Variants in TSPAN7 observed in about 807,000 individuals in gnomAD.
The protein encoded by TSPAN7 is tetraspanin-7.
Under a neutral mutation model 17.6 loss-of-function variants are expected in TSPAN7, and 1 was observed. That is an observed-to-expected ratio of 0.06 (90% CI 0.02 to 0.27). The LOEUF (loss-of-function observed/expected upper bound fraction) is 0.27. TSPAN7 is among the 10% of genes least tolerant of loss of function. The pLI is 1.00. For missense variants in TSPAN7, 112 were observed against 201.7 expected (o/e 0.56, Z 2.69); for synonymous variants, 78 against 79.0 (o/e 0.99, Z 0.07).
chrX:38,592,412 G>A (rs2069297241), intron 1 of TSPAN7, among the ~76,000 whole-genome samples: 1 of 111,331 alleles, frequency 9.0e-6, no homozygotes, highest in African/African-American at 3.3e-5. Context: ...ATATTTTTAG[G>A]TTCAGATCTA....
In TSPAN7 at chrX:38,642,806, C is replaced by T. The variant is rs1042096729; in HGVS notation, c.82-23315C>T. On this transcript the variant is annotated intron_variant, in intron 1 of 7. Coordinates refer to ENST00000378482, the MANE Select transcript of TSPAN7 (RefSeq NM_004615.4). ...GGGCAGTTTATTTAACCACTCCTTA[C>T]CTCCATTTCCTCATCTGTAAAATGG... Among the ~76,000 whole-genome samples the T allele has an allele frequency of 1.9e-4, 21 of 111,495 alleles. 1 individual carries two copies. The highest frequency in any genetic ancestry group is 6.9e-4 in the African/African-American group (21 of 30,611).
chrX:38,632,241 TA>T (rs778800076), intron 1 of TSPAN7, among the ~76,000 whole-genome samples: 1 of 112,136 alleles, frequency 8.9e-6, no homozygotes, highest in Non-Finnish European at 1.9e-5. Flanking sequence ...CGCTAATTGG[TA>T]AAATTCTCCT....
chrX:38,618,480 A>T (rs755876984), intron 1 of TSPAN7, among the ~76,000 whole-genome samples: 10 of 111,801 alleles, frequency 8.9e-5, no homozygotes, highest in Non-Finnish European at 1.7e-4. Context: ...GTTACTGTCA[A>T]GTCAGGGTGC....
At chrX:38,577,646 C>CCCCGGA (rs1271239699) in intron 1 of TSPAN7, among the ~76,000 whole-genome samples, 2 of 80,209 alleles carry the variant, frequency 2.5e-5, no homozygotes, top group Non-Finnish European at 4.6e-5. Context: ...GGGAACATCA[C>CCCCGGA]ACACCGGGGC....
chrX:38,664,646 C>T (rs1048859222), intron 1 of TSPAN7, among the ~76,000 whole-genome samples: 1 of 112,415 alleles, frequency 8.9e-6, no homozygotes, highest in African/African-American at 3.2e-5. Flanking sequence ...TTCACCGCAA[C>T]ACTGCATCAC....
intron 1 of TSPAN7, among the ~76,000 whole-genome samples, chrX:38,606,129 A>T (rs1411947431): frequency 2.8e-5 from 3 of 108,495 alleles, no homozygotes; most frequent in African/African-American, 1.0e-4. Context: ...CAGGCAACCT[A>T]CAAAATGGGA....
intron 1 of TSPAN7, among the ~76,000 whole-genome samples, chrX:38,640,900 T>C (rs2069608060): frequency 8.9e-6 from 1 of 112,079 alleles, no homozygotes; most frequent in Non-Finnish European, 1.9e-5. Flanking sequence ...TCTTAAGCAC[T>C]TGTATGTTTC....
At chrX:38,605,647 C>T (rs1414939028) in intron 1 of TSPAN7, among the ~76,000 whole-genome samples, 5 of 108,418 alleles carry the variant, frequency 4.6e-5, no homozygotes, top group Non-Finnish European at 9.6e-5. Context: ...ATCACACTAC[C>T]TGACTTCAAA....
Position 38,561,561 on chromosome X carries a change from A to C in TSPAN7, c.15A>C (p.Arg5Ser), listed in dbSNP as rs1388651814. The C allele has an allele frequency of 8.3e-7, 1 of 1,199,003 alleles. No individual in the cohort carries two copies. Among genetic ancestry groups the C allele is most frequent in the Non-Finnish European group, 1.1e-6 (1 of 888,767 alleles). MASR[R>S]METKPVITCL... is the part of the protein sequence containing the mutation. The stretch of plus-strand genomic sequence containing the variant: ...AGCTCTGTAGTATGGCATCGAGGAG[A>C]ATGGAGACCAAACCTGTGATAACCT... The change falls in exon 1 of 8, where the codon AGA (arginine) becomes AGC (serine). Residue 5 changes from arginine (R) to serine (S), a missense_variant. By Grantham distance (110) the Arg-to-Ser change is moderately radical. Transcript: ENST00000378482.
intron 1 of TSPAN7, among the ~76,000 whole-genome samples, chrX:38,636,017 C>T (rs758979118): frequency 9.0e-6 from 1 of 111,369 alleles, no homozygotes; most frequent in Non-Finnish European, 1.9e-5. Context: ...TTTTAAAAGT[C>T]CTTCTTTGTA....
intron 1 of TSPAN7, among the ~76,000 whole-genome samples, chrX:38,561,861 G>T (rs1338984686): frequency 9.0e-6 from 1 of 111,093 alleles, no homozygotes; most frequent in Non-Finnish European, 1.9e-5. Context: ...CGGAGTGTCG[G>T]TGACTGCAGG....
At chrX:38,635,474 C>G (rs1022099022) in intron 1 of TSPAN7, among the ~76,000 whole-genome samples, 1 of 111,343 alleles carries the variant, frequency 9.0e-6, no homozygotes, top group African/African-American at 3.3e-5. Context: ...ATTTCCATTT[C>G]CTGAGGAAGA....
intron 1 of TSPAN7, among the ~76,000 whole-genome samples, chrX:38,604,243 G>C (rs1602095576): frequency 2.9e-5 from 3 of 103,197 alleles, no homozygotes; most frequent in Admixed American, 2.1e-4. Flanking sequence ...TGGTGTATAT[G>C]TGCCACATTT....
At chrX:38,635,016 G>A (rs1331940674) in intron 1 of TSPAN7, among the ~76,000 whole-genome samples, 1 of 110,982 alleles carries the variant, frequency 9.0e-6, no homozygotes, top group Admixed American at 9.6e-5. Flanking sequence ...CTGGGTCGGG[G>A]TGGGAGAACA....
At chrX:38,603,394 T>C (rs907914903) in intron 1 of TSPAN7, among the ~76,000 whole-genome samples, 3 of 112,030 alleles carry the variant, frequency 2.7e-5, no homozygotes, top group African/African-American at 9.7e-5. Context: ...GATCCAGTAA[T>C]TTCACTCCTA....
At chrX:38,581,751 G>A (rs1033683304) in intron 1 of TSPAN7, among the ~76,000 whole-genome samples, 4 of 112,133 alleles carry the variant, frequency 3.6e-5, no homozygotes, top group African/African-American at 1.3e-4. Context: ...CAAATTGCTG[G>A]CTCAGACACC....
chrX:38,604,709 C>T (rs2069367768), intron 1 of TSPAN7, among the ~76,000 whole-genome samples: 1 of 110,957 alleles, frequency 9.0e-6, no homozygotes, highest in Non-Finnish European at 1.9e-5. Flanking sequence ...AGCTTATCCA[C>T]CATGATCAAG....
At chrX:38,614,170 T>G (rs2069439691) in intron 1 of TSPAN7, among the ~76,000 whole-genome samples, 1 of 110,990 alleles carries the variant, frequency 9.0e-6, no homozygotes, top group Admixed American at 9.6e-5. Context: ...TGCATGTATT[T>G]CCACCGACTT....
chrX:38,620,207 A>G (rs1250904459), intron 1 of TSPAN7, among the ~76,000 whole-genome samples: 2 of 111,390 alleles, frequency 1.8e-5, no homozygotes, highest in East Asian at 5.7e-4. Context: ...TTCAGTTGCA[A>G]CTCTAACTCA....
Sources: gnomAD v4.1 joint callset for allele counts (sites outside exome capture counted in the v4.1 genomes callset) on GRCh38, gnomAD v4.1.1 for gene constraint, MANE v1.5 for transcripts, NCBI Gene and HGNC (gene_info 2026-07-23, HGNC 2026-07-21) for gene names.